Variants in SCML2 observed in about 807,000 individuals in gnomAD.
The protein encoded by SCML2 is Scm polycomb group protein like 2, also known as sex comb on midleg-like protein 2.
SCML2 carries 6 observed loss-of-function variants against 48.4 expected under a neutral mutation model. That is an observed-to-expected ratio of 0.12 (90% CI 0.07 to 0.24). The LOEUF is 0.24. SCML2 is among the 10% of genes least tolerant of loss of function. The probability of loss-of-function intolerance (pLI) is 1.00; values close to 1 mark genes in which losing one functional copy is unlikely to be tolerated. For synonymous variants in SCML2, 181 were observed against 189.5 expected, an observed-to-expected ratio of 0.95 and a Z score of 0.37; for missense variants, 377 against 528.2, an observed-to-expected ratio of 0.71 and a Z score of 2.81.
At chrX:18,244,723 G>T (rs1926380953) in intron 13 of SCML2, among the ~76,000 whole-genome samples, 1 of 109,714 alleles carries the variant, frequency 9.1e-6, no homozygotes, top group South Asian at 3.9e-4. Context: ...TAAATATAAT[G>T]AAAGTATGAA....
rs749043134 is a variant in SCML2 at position 18,246,984 on chromosome X, G to A, written c.1571-156C>T. ...CAAAGTTCATGGCTATCCCCTCCTT[G>A]GTATGGATGCATACACTGATTGATT... is the stretch of plus-strand genomic sequence containing the variant. On this transcript the variant is annotated intron_variant, in intron 12 of 14. Transcript: ENST00000251900. Among the ~76,000 whole-genome samples, 5 of 111,646 alleles carry A rather than the reference G, an allele frequency of 4.5e-5. No homozygotes were observed. In the South Asian group the frequency reaches 1.1e-3, roughly 25 times the overall value.
At chrX:18,338,288 T>G (rs1929898018) in intron 1 of SCML2, among the ~76,000 whole-genome samples, 1 of 108,454 alleles carries the variant, frequency 9.2e-6, no homozygotes, top group African/African-American at 3.4e-5. Flanking sequence ...TACTAAAAAT[T>G]CAAAAATTAG....
At chrX:18,326,870 T>C (rs1181436504) in intron 3 of SCML2, among the ~76,000 whole-genome samples, 1 of 110,790 alleles carries the variant, frequency 9.0e-6, no homozygotes, top group Non-Finnish European at 1.9e-5. Context: ...AAGTAGCATA[T>C]ATGTAAGTCA....
At position 18,265,032 on chromosome X, in the gene SCML2, G is replaced by A. The variant is rs1057133621; in HGVS notation, c.948+553C>T. On this transcript the variant is annotated intron_variant, in intron 8 of 14. Coordinates refer to ENST00000251900, the MANE Select transcript of SCML2 (RefSeq NM_006089.3). ...TGTTGTTTCACATGGTACACAAAGT[G>A]TACTTGACCTAAGGCTTAAAACCAC... 3.7e-4 allele frequency among the ~76,000 whole-genome samples: 41 copies of A among 111,957 alleles called. 1 individual carries two copies. The highest frequency in any genetic ancestry group is 4.6e-3 in the Middle Eastern group (1 of 217).
intron 7 of SCML2, among the ~76,000 whole-genome samples, 191 bp from the exon 8 acceptor site, chrX:18,265,993 T>C (rs993175189): frequency 1.8e-5 from 2 of 111,807 alleles, no homozygotes; most frequent in Non-Finnish European, 3.8e-5. Context: ...TATTTGAAAA[T>C]AGTTTAATTC....
intron 7 of SCML2, among the ~76,000 whole-genome samples, chrX:18,302,352 TCTC>T (rs1247289069): frequency 1.8e-5 from 2 of 111,055 alleles, no homozygotes; most frequent in Non-Finnish European, 3.8e-5. Context: ...AACCTAGTGA[TCTC>T]CTACATTTAC....
chrX:18,265,433 C>A, intron 8 of SCML2, 152 bp downstream of exon 8: 1 of 458,426 alleles, frequency 2.2e-6, no homozygotes, highest in Middle Eastern at 6.3e-4. Flanking sequence ...AACAATCTAT[C>A]GATAGTTATG....
At chrX:18,286,483 G>A (rs958178548) in intron 7 of SCML2, among the ~76,000 whole-genome samples, 1 of 111,608 alleles carries the variant, frequency 9.0e-6, no homozygotes, top group East Asian at 2.8e-4. Flanking sequence ...TTAAAGAATA[G>A]ATCACCTCAG....
upstream of SCML2, among the ~76,000 whole-genome samples, chrX:18,355,009 C>T (rs1930497616): frequency 9.0e-6 from 1 of 111,590 alleles, no homozygotes; most frequent in Admixed American, 9.5e-5. Context: ...GGAACTCGCT[C>T]CCCTTCACTG....
At chrX:18,245,498 G>T (rs1228377419) in intron 13 of SCML2, among the ~76,000 whole-genome samples, 1 of 112,275 alleles carries the variant, frequency 8.9e-6, no homozygotes, top group Non-Finnish European at 1.9e-5. Context: ...CTCCAGAGGG[G>T]ATGGGGCTGA....
At chrX:18,288,461 T>C (rs1467331161) in intron 7 of SCML2, among the ~76,000 whole-genome samples, 1 of 111,661 alleles carries the variant, frequency 9.0e-6, no homozygotes, top group Non-Finnish European at 1.9e-5. Context: ...AAAACATTTT[T>C]ATGGTAGAAA....
chrX:18,286,246 G>A (rs1423934378), intron 7 of SCML2, among the ~76,000 whole-genome samples: 1 of 111,511 alleles, frequency 9.0e-6, no homozygotes, highest in Non-Finnish European at 1.9e-5. Flanking sequence ...AATAGAACCA[G>A]CCATTCTAAA....
At chrX:18,339,492 G>C (rs545447044) in intron 1 of SCML2, among the ~76,000 whole-genome samples, 1 of 112,054 alleles carries the variant, frequency 8.9e-6, no homozygotes, top group African/African-American at 3.2e-5. Context: ...AGGATCACTT[G>C]AGGCCAGAAA....
At chrX:18,285,726 C>CA (rs1326903909) in intron 7 of SCML2, among the ~76,000 whole-genome samples, 2 of 111,264 alleles carry the variant, frequency 1.8e-5, no homozygotes, top group Non-Finnish European at 3.8e-5. Flanking sequence ...GTTTTTTCCT[C>CA]AAAAAAATTG....
At chrX:18,301,601 G>T (rs757065060) in intron 7 of SCML2, among the ~76,000 whole-genome samples, 2 of 110,339 alleles carry the variant, frequency 1.8e-5, no homozygotes, top group Non-Finnish European at 3.8e-5. Flanking sequence ...GTTAGACCCC[G>T]TCTCTACCAA....
intron 7 of SCML2, among the ~76,000 whole-genome samples, chrX:18,268,058 T>A (rs1345032157): frequency 8.9e-6 from 1 of 112,599 alleles, no homozygotes; most frequent in East Asian, 2.8e-4. Context: ...AAATCCATGC[T>A]AACCTCAACT....
chrX:18,303,272 G>A (rs1229198515), intron 7 of SCML2, among the ~76,000 whole-genome samples: 3 of 111,781 alleles, frequency 2.7e-5, no homozygotes, highest in Non-Finnish European at 5.6e-5. Flanking sequence ...ATGTTAGGCA[G>A]CCAATTGTAA....
intron 1 of SCML2, among the ~76,000 whole-genome samples, chrX:18,336,943 A>AAT (rs1929840275): frequency 9.0e-6 from 1 of 111,294 alleles, no homozygotes; most frequent in African/African-American, 3.3e-5. Context: ...AAAATGTAGA[A>AAT]AACAAAAATA....
chrX:18,319,029 G>A (rs1265192251), intron 6 of SCML2, among the ~76,000 whole-genome samples: 1 of 111,922 alleles, frequency 8.9e-6, no homozygotes, highest in African/African-American at 3.3e-5. Context: ...AATTGGACAC[G>A]AATAAACAGA....
Sources: gnomAD v4.1 joint callset for allele counts (sites outside exome capture counted in the v4.1 genomes callset) on GRCh38, gnomAD v4.1.1 for gene constraint, MANE v1.5 for transcripts, NCBI Gene and HGNC (gene_info 2026-07-23, HGNC 2026-07-21) for gene names.